The following ATF2 variants were observed in gnomAD, a reference collection of about 807,000 sequenced individuals.
ATF2 encodes the protein cyclic AMP-dependent transcription factor ATF-2.
Under a neutral mutation model 60.6 loss-of-function variants are expected in ATF2, and 24 were observed. The ratio of observed to expected loss-of-function variants is 0.40; its 90% CI spans 0.29 to 0.56. ATF2 has a LOEUF of 0.56. ATF2 is among the 20% of genes least tolerant of loss of function. The pLI, the probability that ATF2 is intolerant of heterozygous loss-of-function variation, is 0.54. For missense variants in ATF2, 433 were observed against 607.7 expected, an observed-to-expected ratio of 0.71 and a Z score of 3.02; for synonymous variants, 206 against 215.4, an observed-to-expected ratio of 0.96 and a Z score of 0.38.
At chr2:175,127,547 A>C (rs1458555084) in intron 4 of ATF2, among the ~76,000 whole-genome samples, 1 of 152,090 alleles carries the variant, frequency 6.6e-6, no homozygotes, top group South Asian at 2.1e-4. Flanking sequence ...CAGTGAATAA[A>C]ACCCAAACAC....
intron 2 of ATF2, among the ~76,000 whole-genome samples, chr2:175,146,310 A>G (rs1308091882): frequency 2.0e-5 from 3 of 152,202 alleles, no homozygotes; most frequent in Admixed American, 1.3e-4. Flanking sequence ...TTGCAACCTG[A>G]GATTCTAGAC....
chr2:175,147,298 A>T (rs1699025401), intron 2 of ATF2, among the ~76,000 whole-genome samples: 1 of 152,184 alleles, frequency 6.6e-6, no homozygotes, highest in South Asian at 2.1e-4. Context: ...ATTTTCCTAC[A>T]TCCCTATCAA....
intron 13 of ATF2, among the ~76,000 whole-genome samples, chr2:175,076,106 GAAGATGGAGAGGGGGATACCTGGTAGTGT>G (rs1693272487): frequency 6.6e-6 from 1 of 152,152 alleles, no homozygotes; most frequent in African/African-American, 2.4e-5. Context: ...TTGCAATGTA[GAAGATGGAGAGGGGGATACCTGGTAGTGT>G]CAACTTTAGC....
At chr2:175,107,992 G>A (rs1364659869) in intron 10 of ATF2, among the ~76,000 whole-genome samples, 16 of 151,438 alleles carry the variant, frequency 1.1e-4, no homozygotes, top group East Asian at 6.0e-4. Flanking sequence ...CCGCCACCCC[G>A]TCTGGGAAGT....
intron 10 of ATF2, among the ~76,000 whole-genome samples, chr2:175,110,950 A>T (rs1434102353): frequency 6.6e-6 from 1 of 152,146 alleles, no homozygotes; most frequent in East Asian, 1.9e-4. Context: ...TCTACTAAGA[A>T]AATTAGAACG....
intron 1 of ATF2, among the ~76,000 whole-genome samples, chr2:175,159,496 A>G (rs994833750): frequency 6.6e-6 from 1 of 152,150 alleles, no homozygotes; most frequent in African/African-American, 2.4e-5. Context: ...CCCCACTCAC[A>G]GCAGACATGA....
intron 13 of ATF2, 197 bp downstream of exon 13, chr2:175,080,463 A>C: frequency 2.6e-6 from 1 of 391,704 alleles, no homozygotes; most frequent in Non-Finnish European, 4.5e-6. Context: ...AAAAAGCTAG[A>C]AACAGGAAAA....
At chr2:175,099,822 A>G (rs1213070190) in intron 10 of ATF2, among the ~76,000 whole-genome samples, 2 of 152,242 alleles carry the variant, frequency 1.3e-5, no homozygotes, top group Non-Finnish European at 2.9e-5. Context: ...CAAGTGCAAA[A>G]TATTTCCACA....
chr2:175,112,764 T>C (rs1696286371), intron 9 of ATF2, among the ~76,000 whole-genome samples: 1 of 152,116 alleles, frequency 6.6e-6, no homozygotes, highest in Non-Finnish European at 1.5e-5. Flanking sequence ...TGTTTATTTT[T>C]TGTAGAGATG....
intron 1 of ATF2, among the ~76,000 whole-genome samples, chr2:175,157,887 G>A (rs1343495077): frequency 6.6e-6 from 1 of 152,012 alleles, no homozygotes; most frequent in African/African-American, 2.4e-5. Context: ...CAGCTACTCA[G>A]AAGGCTAACG....
intron 1 of ATF2, among the ~76,000 whole-genome samples, chr2:175,167,322 A>T (rs990245607): frequency 7.0e-5 from 10 of 143,484 alleles, no homozygotes; most frequent in African/African-American, 2.3e-4. Flanking sequence ...CCAGAGATTT[A>T]AAAAAAAAAA....
At chr2:175,148,847 C>T (rs2105805596) in intron 2 of ATF2, among the ~76,000 whole-genome samples, 1 of 152,174 alleles carries the variant, frequency 6.6e-6, no homozygotes, top group East Asian at 1.9e-4. Context: ...AACACAGCAC[C>T]CCACCCCCCA....
chr2:175,150,482 T>C (rs1699238685), intron 2 of ATF2, among the ~76,000 whole-genome samples: 1 of 152,146 alleles, frequency 6.6e-6, no homozygotes, highest in South Asian at 2.1e-4. Flanking sequence ...CTTTATACTC[T>C]AATATCACCA....
rs763509730 is a variant in ATF2, at chr2:175,111,637, G to A, written c.759C>T (p.Thr253=). 1.2e-6 allele frequency: 2 copies of A among 1,613,596 alleles called. No individual in the cohort carries two copies. Among genetic ancestry groups the A allele is most frequent in the African/African-American group, 1.3e-5 (1 of 74,892 alleles). Residue 253 remains threonine, a synonymous_variant, in exon 10 of 14, where the codon ACC becomes ACT. Coordinates refer to ENST00000264110, the MANE Select transcript of ATF2 (RefSeq NM_001880.4). ...GGATTCCTGGAACACTAGGCACCAT[G>A]GTGACTGGTCGAACGAGCTATGCAT... is the stretch of plus-strand genomic sequence containing the variant. ...PAAVPLVRPV[T]MVPSVPGIPG...
intron 12 of ATF2, among the ~76,000 whole-genome samples, chr2:175,081,087 C>G (rs1293684460): frequency 6.6e-6 from 1 of 151,980 alleles, no homozygotes; most frequent in African/African-American, 2.4e-5. Flanking sequence ...GTTGCATGCT[C>G]TTCTGATTAT....
At chr2:175,128,767 C>T (rs1260861949) in intron 4 of ATF2, among the ~76,000 whole-genome samples, 1 of 151,950 alleles carries the variant, frequency 6.6e-6, no homozygotes, top group Non-Finnish European at 1.5e-5. Context: ...ATGCAAACCA[C>T]AGAAAAAGAA....
At chr2:175,094,424 AAAAAAG>A (rs1214147199) in intron 11 of ATF2, among the ~76,000 whole-genome samples, 2 of 150,040 alleles carry the variant, frequency 1.3e-5, no homozygotes, top group African/African-American at 4.9e-5. Flanking sequence ...AAAAAAAAAA[AAAAAAG>A]AAAGAAGAAA....
intron 2 of ATF2, among the ~76,000 whole-genome samples, chr2:175,142,389 G>C (rs938200464): frequency 6.6e-6 from 1 of 151,752 alleles, no homozygotes; most frequent in Non-Finnish European, 1.5e-5. Flanking sequence ...GGCTGGTCTT[G>C]AACTACTGAA....
intron 11 of ATF2, among the ~76,000 whole-genome samples, chr2:175,096,583 A>G (rs1694952382): frequency 6.6e-6 from 1 of 152,198 alleles, no homozygotes; most frequent in African/African-American, 2.4e-5. Flanking sequence ...TTCTGCTAGT[A>G]ACGGAAACAG....
Sources: gnomAD v4.1 joint callset for allele counts (sites outside exome capture counted in the v4.1 genomes callset) on GRCh38, gnomAD v4.1.1 for gene constraint, MANE v1.5 for transcripts, NCBI Gene and HGNC (gene_info 2026-07-23, HGNC 2026-07-21) for gene names.